FOCAD: variants seen among roughly 807,000 people sequenced by gnomAD.
The protein encoded by FOCAD is KIAA1797.
FOCAD carries 198 observed loss-of-function variants against 225.6 expected under a neutral mutation model. The observed-to-expected ratio is 0.88, with a 90% CI of 0.78 to 0.99. The LOEUF (loss-of-function observed/expected upper bound fraction) is 0.99. Among genes scored for constraint, FOCAD ranks in the 50% least tolerant of loss-of-function variants. FOCAD has a pLI of 0.00. For missense variants in FOCAD, 2,713 were observed against 2,123.6 expected (o/e 1.28, Z -5.46); for synonymous variants, 897 against 755.0 (o/e 1.19, Z -3.08).
At chr9:20,818,509 T>A in intron 11 of FOCAD, among the ~76,000 whole-genome samples, 1 of 152,162 alleles carries the variant, frequency 6.6e-6, no homozygotes, top group East Asian at 1.9e-4. Context: ...GTACATTTAG[T>A]TCTAAAATCC....
rs758976335 is a variant in FOCAD at position 20,820,975 on chromosome 9, C to A, written c.1697C>A (p.Ala566Asp). The stretch of plus-strand genomic sequence containing the variant: ...TATCCTGAACTGCAGCGTTTCATGG[C>A]TGTGTCTGATGTACCTTCTCTTTCG... ...RVYPELQRFM[A>D]VSDVPSLSVG... Residue 566 changes from alanine (A) to aspartate (D), a missense_variant, in exon 14 of 44, where the codon GCT becomes GAT. Coordinates refer to ENST00000338382, the MANE Select transcript of FOCAD (RefSeq NM_001375567.1). The A allele has an allele frequency of 6.2e-7, 1 of 1,612,672 alleles. No homozygotes were observed. The highest frequency in any genetic ancestry group is 1.1e-5 in the South Asian group (1 of 91,016).
chr9:20,790,984 A>G lies in FOCAD; in HGVS notation c.1455+1376A>G, dbSNP rs935380473. 1.3e-5 allele frequency among the ~76,000 whole-genome samples: 2 copies of G among 152,146 alleles called. 1 individual carries two copies. The highest frequency in any genetic ancestry group is 4.1e-4 in the South Asian group (2 of 4,830). On this transcript the variant is annotated intron_variant, in intron 11 of 43. Coordinates refer to ENST00000338382, the MANE Select transcript of FOCAD (RefSeq NM_001375567.1). Reference sequence around the variant, plus strand: ...GTTTCATGGTGTATGCGTAATGTGAATCAGTTTAACTTGCTTTCTGCTTTA... The same window carrying G: ...GTTTCATGGTGTATGCGTAATGTGAGTCAGTTTAACTTGCTTTCTGCTTTA...
intron 23 of FOCAD, among the ~76,000 whole-genome samples, chr9:20,915,995 T>G (rs1833836376): frequency 6.6e-6 from 1 of 152,152 alleles, no homozygotes; most frequent in Non-Finnish European, 1.5e-5. Flanking sequence ...AATACAAGAT[T>G]GAGATCTATA....
intron 37 of FOCAD, among the ~76,000 whole-genome samples, chr9:20,978,859 C>A (rs958926125): frequency 1.3e-5 from 2 of 150,710 alleles, no homozygotes; most frequent in South Asian, 2.1e-4. Flanking sequence ...TTCCCCTTTC[C>A]CAGAGGAGGC....
rs190669507 is a variant in FOCAD, at chr9:20,921,021, A to T, written c.2853-2639A>T. 4.1e-4 allele frequency among the ~76,000 whole-genome samples: 62 copies of T among 151,782 alleles called. 1 individual carries two copies. In the South Asian group the frequency reaches 6.0e-3, roughly 15 times the overall value. ...AATAAATGAAGGTGAAAACAAAAAA[A>T]AGTCGAGTCAATAAAAATTTAGCAA... On this transcript the variant is annotated intron_variant, in intron 24 of 43. Transcript: ENST00000338382.
chr9:20,843,807 T>A (rs1383565734), intron 15 of FOCAD, among the ~76,000 whole-genome samples: 1 of 152,174 alleles, frequency 6.6e-6, no homozygotes, highest in Non-Finnish European at 1.5e-5. Context: ...CTACTAGTAG[T>A]GGCTGCCACT....
At chr9:20,745,233 C>T (rs1827947489) in intron 5 of FOCAD, among the ~76,000 whole-genome samples, 1 of 151,992 alleles carries the variant, frequency 6.6e-6, no homozygotes, top group African/African-American at 2.4e-5. Context: ...TCTCAGCTCC[C>T]CCAGTAGCTG....
chr9:20,769,930 G>T, intron 7 of FOCAD, 102 bp from the exon 8 acceptor site: 1 of 1,043,726 alleles, frequency 9.6e-7, no homozygotes, highest in Non-Finnish European at 1.4e-6. Flanking sequence ...AGTCTTTATA[G>T]GTTTAGAGAA....
intron 15 of FOCAD, among the ~76,000 whole-genome samples, chr9:20,826,273 G>C (rs1824881626): frequency 6.6e-6 from 1 of 152,080 alleles, no homozygotes; most frequent in Non-Finnish European, 1.5e-5. Flanking sequence ...CATGACTAGA[G>C]TAAAGCCGGC....
At chr9:20,698,804 T>C (rs1197075775) in intron 1 of FOCAD, among the ~76,000 whole-genome samples, 2 of 152,372 alleles carry the variant, frequency 1.3e-5, no homozygotes, top group East Asian at 1.9e-4. Context: ...ATATTTTATC[T>C]GCATAGTCCT....
Position 20,819,703 on chromosome 9 carries a change from A to C in FOCAD, c.1456-93A>C, listed in dbSNP as rs1587293680. On this transcript the variant is annotated intron_variant, in intron 11 of 43. Coordinates refer to ENST00000338382, the MANE Select transcript of FOCAD (RefSeq NM_001375567.1). ...AGTCTTCCAATTCATTCATATTCAT[A>C]TTATTCCTCTGGAAAAAAAGAGATA... 3 of 574,292 alleles carry C rather than the reference A, an allele frequency of 5.2e-6. No individual in the cohort carries two copies. The East Asian group carries it at 1.0e-4, about 19-fold the overall frequency. 35.6% of individuals were successfully genotyped at this position (574,292 alleles called of 1,614,324 possible).
At chr9:20,741,969 T>C (rs970318068) in intron 5 of FOCAD, among the ~76,000 whole-genome samples, 13 of 152,190 alleles carry the variant, frequency 8.5e-5, no homozygotes, top group African/African-American at 2.7e-4. Flanking sequence ...TTTATGGAGA[T>C]ATAATTCACA....
Position 20,819,781 on chromosome 9 carries a change from A to T in FOCAD, c.1456-15A>T. 6.9e-7 allele frequency: 1 copy of T among 1,441,206 alleles called. No individual in the cohort carries two copies. Among genetic ancestry groups the T allele is most frequent in the East Asian group, 2.4e-5 (1 of 41,152 alleles). 89.3% of individuals were successfully genotyped at this position (1,441,206 alleles called of 1,614,324 possible). ...TAACAAGGCATATTTAATATATTTT[A>T]AAAATTCATTTTAGGTGCCAAATCT... On this transcript the variant is annotated splice_polypyrimidine_tract_variant and intron_variant, in intron 11 of 43. Transcript: ENST00000338382.
intron 4 of FOCAD, among the ~76,000 whole-genome samples, chr9:20,725,444 G>C (rs561086775): frequency 2.0e-5 from 3 of 152,182 alleles, no homozygotes; most frequent in African/African-American, 7.2e-5. Flanking sequence ...AGAGAGGGGG[G>C]TGGATAGAAA....
chr9:20,842,014 G>C (rs1019635741), intron 15 of FOCAD, among the ~76,000 whole-genome samples: 1 of 151,732 alleles, frequency 6.6e-6, no homozygotes, highest in African/African-American at 2.4e-5. Flanking sequence ...TGACCCCACT[G>C]GTCATTTACG....
chr9:20,796,623 G>A (rs1821139809), intron 11 of FOCAD, among the ~76,000 whole-genome samples: 1 of 152,154 alleles, frequency 6.6e-6, no homozygotes, highest in Non-Finnish European at 1.5e-5. Context: ...CTTTTGAGAA[G>A]TGTCTGTTCA....
chr9:20,761,401 G>T (rs928880882), intron 6 of FOCAD, among the ~76,000 whole-genome samples: 2 of 151,870 alleles, frequency 1.3e-5, no homozygotes, highest in African/African-American at 4.8e-5. Context: ...GTGGAGTTGG[G>T]CCTAAAGCCT....
chr9:20,815,147 T>G (rs1185608109), intron 11 of FOCAD, among the ~76,000 whole-genome samples: 2 of 126,612 alleles, frequency 1.6e-5, no homozygotes, highest in African/African-American at 6.1e-5. Context: ...GTTTTTTTTT[T>G]TTTTTTTGAG....
Position 20,881,996 on chromosome 9 carries a change from AAT to A in FOCAD, c.2444_2445del (p.Asn815IlefsTer7), listed in dbSNP as rs1830706123. On this transcript the variant is annotated frameshift_variant, in exon 20 of 44. Transcript: ENST00000338382. LOFTEE classifies it high-confidence loss of function. The stretch of plus-strand genomic sequence containing the variant: ...AGGAAAGACTGTAGCAGGAATCCCC[AAT>A]TTTATATTGAAAATGTATGAAACAA... ...DQGKTVAGIP[N>X]FILKMYETNK... The A allele has an allele frequency of 6.2e-7, 1 of 1,613,864 alleles. No homozygotes were observed. Among genetic ancestry groups the A allele is most frequent in the Non-Finnish European group, 8.5e-7 (1 of 1,179,888 alleles).
Sources: allele counts gnomAD v4.1 joint callset (sites outside exome capture counted in the v4.1 genomes callset), GRCh38; gene constraint gnomAD v4.1.1; transcripts MANE v1.5; gene names NCBI Gene and HGNC (gene_info 2026-07-23, HGNC 2026-07-21).